The following PRKG1 variants were observed in gnomAD, a reference collection of about 807,000 sequenced individuals.
PRKG1 encodes the protein cGMP-dependent protein kinase 1.
PRKG1 carries 35 observed loss-of-function variants against 88.1 expected under a neutral mutation model. That is an observed-to-expected ratio of 0.40 (90% CI 0.30 to 0.53). The LOEUF is 0.53. Ranked by LOEUF, PRKG1 falls within the 20% of genes least tolerant of loss-of-function variation. PRKG1 has a pLI of 0.59. For missense variants in PRKG1, 540 were observed against 839.8 expected, an observed-to-expected ratio of 0.64 and a Z score of 4.41; for synonymous variants, 303 against 292.5, an observed-to-expected ratio of 1.04 and a Z score of -0.37.
At chr10:52,135,102 A>G (rs1378433035) in intron 8 of PRKG1, among the ~76,000 whole-genome samples, 1 of 152,034 alleles carries the variant, frequency 6.6e-6, no homozygotes, top group East Asian at 1.9e-4. Flanking sequence ...AATAACCATG[A>G]TACAAGGCAA....
chr10:51,437,019 T>G (rs975355127), intron 2 of PRKG1, among the ~76,000 whole-genome samples: 1 of 152,004 alleles, frequency 6.6e-6, no homozygotes, highest in Non-Finnish European at 1.5e-5. Flanking sequence ...GCCTTTCATC[T>G]CTTTGCCAGT....
Position 52,033,808 on chromosome 10 carries a change from T to A in PRKG1, c.763-20676T>A, listed in dbSNP as rs561001285. ...CCAAACAGGCTTTGTGTGAGCAACA[T>A]GGCTGTTTATTTCACCCGGGTGCAG... On this transcript the variant is annotated intron_variant, in intron 5 of 17. Transcript: ENST00000373980. 8.5e-5 allele frequency among the ~76,000 whole-genome samples: 13 copies of A among 152,152 alleles called. No homozygotes were observed. The East Asian group carries it at 2.5e-3, about 30-fold the overall frequency.
At chr10:51,428,366 G>A (rs991838779) in intron 2 of PRKG1, among the ~76,000 whole-genome samples, 1 of 152,144 alleles carries the variant, frequency 6.6e-6, no homozygotes, top group Non-Finnish European at 1.5e-5. Flanking sequence ...TTCTTGGAAA[G>A]TTGAATTTTA....
intron 2 of PRKG1, among the ~76,000 whole-genome samples, chr10:51,340,568 A>G (rs895816767): frequency 4.6e-5 from 7 of 152,206 alleles, no homozygotes; most frequent in African/African-American, 1.7e-4. Flanking sequence ...TTAGAATTGC[A>G]AAGTCTCTTT....
At chr10:52,291,085 G>A (rs368407647) in intron 17 of PRKG1, among the ~76,000 whole-genome samples, 1 of 151,398 alleles carries the variant, frequency 6.6e-6, no homozygotes, top group African/African-American at 2.4e-5. Context: ...ACCACTCCCA[G>A]CTAATTTTGG....
At chr10:51,482,969 T>G (rs1325107102) in intron 3 of PRKG1, among the ~76,000 whole-genome samples, 12 of 151,852 alleles carry the variant, frequency 7.9e-5, no homozygotes, top group African/African-American at 2.7e-4. Flanking sequence ...CCTCATAACT[T>G]TAGAGATTTC....
intron 9 of PRKG1, among the ~76,000 whole-genome samples, chr10:52,212,602 A>G (rs200377924): frequency 6.7e-6 from 1 of 149,684 alleles, no homozygotes; most frequent in Non-Finnish European, 1.5e-5. Flanking sequence ...TGTTGGGGGG[A>G]GAGGGGTGGT....
At chr10:51,205,127 CTTTTTTTTTTTT>C (rs58176913) in intron 2 of PRKG1, among the ~76,000 whole-genome samples, 26 of 64,016 alleles carry the variant, frequency 4.1e-4, no homozygotes, top group African/African-American at 1.1e-3. Flanking sequence ...ATTTTCTTTT[CTTTTTTTTTTTT>C]TTTTTTTTTT....
chr10:51,869,424 G>A (rs979296964), intron 4 of PRKG1, among the ~76,000 whole-genome samples: 2 of 151,842 alleles, frequency 1.3e-5, no homozygotes, highest in Non-Finnish European at 2.9e-5. Flanking sequence ...CTTTGTGACT[G>A]CTTTGTAGCT....
At chr10:51,648,039 TACAC>T (rs3087021) in intron 3 of PRKG1, among the ~76,000 whole-genome samples, 4,071 of 149,964 alleles carry the variant, frequency 0.027, 80 homozygotes, top group Middle Eastern at 0.056. Context: ...TGGTTACACA[TACAC>T]ACACACACAC....
At chr10:51,832,277 C>T (rs1036986343) in intron 4 of PRKG1, among the ~76,000 whole-genome samples, 1 of 152,148 alleles carries the variant, frequency 6.6e-6, no homozygotes, top group African/African-American at 2.4e-5. Context: ...CACAAAGCAA[C>T]AGTTATTCCC....
chr10:51,529,383 G>A (rs980259249), intron 3 of PRKG1, among the ~76,000 whole-genome samples: 6 of 152,106 alleles, frequency 3.9e-5, no homozygotes, highest in African/African-American at 1.4e-4. Flanking sequence ...TTCATTGCTT[G>A]AAGCTCTTCA....
chr10:51,778,916 G>T (rs1252308070), intron 3 of PRKG1, among the ~76,000 whole-genome samples: 2 of 151,950 alleles, frequency 1.3e-5, no homozygotes, highest in Non-Finnish European at 2.9e-5. Context: ...AAATAAGCTG[G>T]TAATCTTTAT....
intron 7 of PRKG1, among the ~76,000 whole-genome samples, chr10:52,117,093 G>T (rs1340586362): frequency 6.6e-6 from 1 of 151,578 alleles, no homozygotes. Context: ...GGGAATATTA[G>T]AAAGAGAATC....
chr10:51,108,080 G>C (rs1328442387), intron 1 of PRKG1, among the ~76,000 whole-genome samples: 1 of 152,086 alleles, frequency 6.6e-6, no homozygotes, highest in Non-Finnish European at 1.5e-5. Flanking sequence ...GAACAGCAGT[G>C]TATCTATCAA....
At chr10:51,467,007 T>C (rs1291926613) in intron 2 of PRKG1, among the ~76,000 whole-genome samples, 1 of 152,084 alleles carries the variant, frequency 6.6e-6, no homozygotes, top group Non-Finnish European at 1.5e-5. Flanking sequence ...AAAATATGTA[T>C]TTTTTTCATT....
intron 2 of PRKG1, among the ~76,000 whole-genome samples, chr10:51,154,878 G>A (rs1346017000): frequency 6.6e-6 from 1 of 151,968 alleles, no homozygotes; most frequent in Admixed American, 6.6e-5. Flanking sequence ...TGGATAGTGA[G>A]CAGAAAGGAT....
At chr10:51,516,396 A>G (rs1156487538) in intron 3 of PRKG1, among the ~76,000 whole-genome samples, 1 of 152,134 alleles carries the variant, frequency 6.6e-6, no homozygotes, top group Non-Finnish European at 1.5e-5. Flanking sequence ...GGAGTGGGCC[A>G]TAGACTGTTT....
intron 9 of PRKG1, among the ~76,000 whole-genome samples, chr10:52,243,042 G>T (rs1297118885): frequency 6.6e-6 from 1 of 152,150 alleles, no homozygotes; most frequent in Non-Finnish European, 1.5e-5. Context: ...ACAATGGGTA[G>T]TATATTCTCA....
Sources: gnomAD v4.1 joint callset for allele counts (sites outside exome capture counted in the v4.1 genomes callset) on GRCh38, gnomAD v4.1.1 for gene constraint, MANE v1.5 for transcripts, NCBI Gene and HGNC (gene_info 2026-07-23, HGNC 2026-07-21) for gene names.